Variants in TSC2 observed in about 807,000 individuals in gnomAD.
TSC2 encodes the protein tuberin.
A neutral mutation model predicts 202.2 loss-of-function variants in TSC2; 29 were observed. The ratio of observed to expected loss-of-function variants is 0.14; its 90% CI spans 0.11 to 0.20. The LOEUF is 0.20. TSC2 is among the 10% of genes least tolerant of loss of function. The pLI, the probability that TSC2 is intolerant of heterozygous loss-of-function variation, is 1.00. For missense variants in TSC2, 2,429 were observed against 2,420.0 expected (o/e 1.00, Z -0.08); for synonymous variants, 1,349 against 1,044.0 (o/e 1.29, Z -5.63).
In TSC2 at chr16:2,054,270, G is replaced by C. The variant is rs182543432; in HGVS notation, c.337-26G>C. On this transcript the variant is annotated intron_variant, in intron 4 of 41. Transcript: ENST00000219476. ...CGTGTGGGCGACGCTGGCAGGCTCTGCTGATCCTGTGGCTTTTGTCTTTAG... is the reference window on the plus strand; with the variant it reads ...CGTGTGGGCGACGCTGGCAGGCTCTCCTGATCCTGTGGCTTTTGTCTTTAG... 1,298 of 1,614,090 alleles carry C rather than the reference G, an allele frequency of 8.0e-4. 1 individual carries two copies. The highest frequency in any genetic ancestry group is 8.0e-4 in the Non-Finnish European group (944 of 1,180,018).
intron 1 of TSC2, chr16:2,048,273 G>A (rs948409198): frequency 8.2e-7 from 1 of 1,220,486 alleles, no homozygotes; most frequent in South Asian, 1.3e-5. Flanking sequence ...GCTTCACATG[G>A]GTAGAGGAGA....
intron 16 of TSC2, 94 bp from the exon 17 acceptor site, chr16:2,070,362 C>A (rs2088090130): frequency 6.2e-7 from 1 of 1,607,514 alleles, no homozygotes; most frequent in South Asian, 1.1e-5. Context: ...CACTCTAGAG[C>A]AGCCGCCCCG....
Position 2,084,846 on chromosome 16 carries a change from A to G in TSC2, c.4494-105A>G, listed in dbSNP as rs1018490248. The G allele has an allele frequency of 3.1e-6, 5 of 1,600,130 alleles. No individual in the cohort carries two copies. In the African/African-American group the frequency reaches 6.7e-5, roughly 21 times the overall value. On this transcript the variant is annotated intron_variant, in intron 34 of 41. Transcript: ENST00000219476. ...CCTAGGGCTGGCTGGAACCCCTGGG[A>G]GGGCGGTGGAGTGGGAGATGGCCAG...
In TSC2 at chr16:2,086,270, G is replaced by T. The variant is rs930171871; in HGVS notation, c.4740G>T (p.Arg1580=). 1 of 1,612,728 alleles carries T rather than the reference G, an allele frequency of 6.2e-7. No individual in the cohort carries two copies. The highest frequency in any genetic ancestry group is 1.3e-5 in the African/African-American group (1 of 74,926). Residue 1580 remains arginine, a synonymous_variant, in exon 37 of 42, where the codon CGG becomes CGT. Coordinates refer to ENST00000219476, the MANE Select transcript of TSC2 (RefSeq NM_000548.5). ...RYTEFLTGLG[R]LIELKDCQPD... is the part of the protein sequence containing the mutation. ...CGGAGTTCCTGACGGGCCTGGGCCGGCTCATCGAGCTGAAGGACTGCCAGC... is the reference window on the plus strand; with the variant it reads ...CGGAGTTCCTGACGGGCCTGGGCCGTCTCATCGAGCTGAAGGACTGCCAGC...
intron 3 of TSC2, among the ~76,000 whole-genome samples, chr16:2,052,946 G>A (rs558221658): frequency 1.1e-3 from 173 of 152,340 alleles, no homozygotes; most frequent in Non-Finnish European, 2.2e-3. Flanking sequence ...TCTGGGTCAG[G>A]TGCAGGCCTA....
At chr16:2,072,693 C>A in intron 20 of TSC2, 156 bp from the exon 21 acceptor site, 1 of 1,271,208 alleles carries the variant, frequency 7.9e-7, no homozygotes, top group Non-Finnish European at 1.1e-6. Context: ...TCCCACCACT[C>A]CGAAAGGGAG....
chr16:2,065,902 C>T (rs931320800), intron 16 of TSC2, among the ~76,000 whole-genome samples: 3 of 152,240 alleles, frequency 2.0e-5, no homozygotes, highest in South Asian at 2.1e-4. Flanking sequence ...CTCAGCGTGG[C>T]GCTTGCCCTC....
chr16:2,059,886 C>G (rs905190659), intron 10 of TSC2, among the ~76,000 whole-genome samples: 1 of 152,202 alleles, frequency 6.6e-6, no homozygotes, highest in African/African-American at 2.4e-5. Context: ...GTCTTGAACT[C>G]CTGACCTCAG....
chr16:2,071,965 C>T (rs1163250867), intron 19 of TSC2, 31 bp downstream of exon 19: 2 of 1,547,476 alleles, frequency 1.3e-6, no homozygotes, highest in Admixed American at 1.9e-5. Context: ...ACCATCCGTC[C>T]CACGTTGGGC....
In TSC2 at chr16:2,050,491, G is replaced by T. The variant is rs778371172; in HGVS notation, c.225+5G>T. ...AAAACCAAGAAATTTGAAGAGGTAG[G>T]TTTATCCAGTTGAGCTACTAGAGAG... On this transcript the variant is annotated splice_donor_5th_base_variant and intron_variant, in intron 3 of 41. Coordinates refer to ENST00000219476, the MANE Select transcript of TSC2 (RefSeq NM_000548.5). The T allele has an allele frequency of 5.0e-6, 8 of 1,612,768 alleles. No homozygotes were observed. In the African/African-American group the frequency reaches 1.1e-4, roughly 22 times the overall value.
In TSC2 at chr16:2,088,881, G is replaced by GCACACACACA. The variant is rs56279647; in HGVS notation, c.*280_*289dup. 24 of 421,482 alleles carry GCACACACACA rather than the reference G, an allele frequency of 5.7e-5. No individual in the cohort carries two copies. Among genetic ancestry groups the GCACACACACA allele is most frequent in the East Asian group, 5.5e-4 (13 of 23,830 alleles). 26.1% of individuals were successfully genotyped at this position (421,482 alleles called of 1,614,324 possible). ...ACAGCACACTCGCGCGTGCGCGCGC[G>GCACACACACA]CACACACACACACACACAGTCACCT... On this transcript the variant is annotated 3_prime_UTR_variant, in exon 42 of 42. Transcript: ENST00000219476.
Position 2,054,321 on chromosome 16 carries a change from C to A in TSC2, c.362C>A (p.Ala121Asp), listed in dbSNP as rs767755750. The stretch of plus-strand genomic sequence containing the variant: ...GGCGAGCGTTTGGGGGTCCTCAGAG[C>A]CCTCTTCTTTAAGGTCATCAAGGAT... ...GQGERLGVLR[A>D]LFFKVIKDYP... is the part of the protein sequence containing the mutation. The change falls in exon 5 of 42, where the codon GCC (alanine) becomes GAC (aspartate). Residue 121 changes from alanine to aspartate, a missense_variant. Ala to Asp is a moderately radical substitution (Grantham distance 126). Transcript: ENST00000219476. The A allele has an allele frequency of 1.2e-6, 2 of 1,614,158 alleles. No homozygotes were observed. Among genetic ancestry groups the A allele is most frequent in the Admixed American group, 1.7e-5 (1 of 60,028 alleles).
rs754348511 is a variant in TSC2, at chr16:2,053,443, G to T, written c.327G>T (p.Val109=). 1 of 1,573,528 alleles carries T rather than the reference G, an allele frequency of 6.4e-7. No individual in the cohort carries two copies. Among genetic ancestry groups the T allele is most frequent in the African/African-American group, 1.3e-5 (1 of 74,178 alleles). Residue 109 remains valine (V), a synonymous_variant, in exon 4 of 42, where the codon GTG becomes GTT. Transcript: ENST00000219476. ...TGCTGGCTCTGCTGAAGGCCATCGT[G>T]CAGGGGCAGGTAAGGCCCAGGGCGA... The part of the protein sequence containing the change: ...HAVLALLKAI[V]QGQGERLGVL...
At chr16:2,080,075 C>G in intron 29 of TSC2, 90 bp from the exon 30 acceptor site, 1 of 1,554,048 alleles carries the variant, frequency 6.4e-7, no homozygotes, top group Non-Finnish European at 8.8e-7. Flanking sequence ...GTGGCACTAG[C>G]TTGCCAGGCT....
intron 11 of TSC2, chr16:2,061,212 C>T: frequency 3.1e-6 from 1 of 327,088 alleles, no homozygotes; most frequent in East Asian, 7.8e-5. Context: ...AGGAGGACTC[C>T]ACGGCCACAC....
chr16:2,083,820 A>T lies in TSC2; in HGVS notation c.4005+4A>T. 6.2e-7 allele frequency: 1 copy of T among 1,610,044 alleles called. No individual in the cohort carries two copies. The highest frequency in any genetic ancestry group is 8.5e-7 in the Non-Finnish European group (1 of 1,179,248). On this transcript the variant is annotated splice_donor_region_variant and intron_variant, in intron 33 of 41. Coordinates refer to ENST00000219476, the MANE Select transcript of TSC2 (RefSeq NM_000548.5). ...GCGCACGGATGCCTACAGCAGGGTGAGTGTGGCTCAGAGCCTGGACCCTGC... is the reference window on the plus strand; with the variant it reads ...GCGCACGGATGCCTACAGCAGGGTGTGTGTGGCTCAGAGCCTGGACCCTGC...
In TSC2 at chr16:2,053,787, C is replaced by T. The variant is rs577002492; in HGVS notation, c.336+335C>T. 138 of 533,378 alleles carry T rather than the reference C, an allele frequency of 2.6e-4. 2 individuals are homozygous for T. Among genetic ancestry groups the T allele is most frequent in the African/African-American group, 2.1e-3 (113 of 53,266 alleles). 33.0% of individuals were successfully genotyped at this position (533,378 alleles called of 1,614,324 possible). The stretch of plus-strand genomic sequence containing the variant: ...GTGTTGTTTTGCCCTTGCACCCTTT[C>T]GGGGCCACTCCCCTGCTCACTGCAT... On this transcript the variant is annotated intron_variant, in intron 4 of 41. Transcript: ENST00000219476.
intron 9 of TSC2, among the ~76,000 whole-genome samples, chr16:2,058,484 A>G (rs1303615485): frequency 6.6e-6 from 1 of 152,232 alleles, no homozygotes; most frequent in South Asian, 2.1e-4. Flanking sequence ...GCTGTGGGCC[A>G]TCCCTCTTGC....
At chr16:2,054,681 G>A in intron 5 of TSC2, 1 of 593,418 alleles carries the variant, frequency 1.7e-6, no homozygotes, top group South Asian at 1.9e-5. Context: ...CTGGGGCTTG[G>A]GGCCTCCGAA....
Sources: gnomAD v4.1 joint callset for allele counts (sites outside exome capture counted in the v4.1 genomes callset) on GRCh38, gnomAD v4.1.1 for gene constraint, MANE v1.5 for transcripts, NCBI Gene and HGNC (gene_info 2026-07-23, HGNC 2026-07-21) for gene names.